Variants in CPXM2 observed in about 807,000 individuals in gnomAD.
CPXM2 encodes the protein inactive carboxypeptidase-like protein X2.
Under a neutral mutation model 86.1 loss-of-function variants are expected in CPXM2, and 66 were observed. The observed-to-expected ratio is 0.77, with a 90% CI of 0.63 to 0.94. CPXM2 has a LOEUF of 0.94. Ranked by LOEUF, CPXM2 falls within the 40% of genes least tolerant of loss-of-function variation. The pLI is 0.00. For synonymous variants in CPXM2, 388 were observed against 400.2 expected, an observed-to-expected ratio of 0.97 and a Z score of 0.36; for missense variants, 948 against 1,026.3, an observed-to-expected ratio of 0.92 and a Z score of 1.04.
chr10:123,922,108 G>A (rs1043562143), intron 2 of CPXM2, among the ~76,000 whole-genome samples: 24 of 152,182 alleles, frequency 1.6e-4, no homozygotes, highest in Non-Finnish European at 1.3e-4. Context: ...GTGCATTGTA[G>A]GATGTTGAGC....
At chr10:123,843,390 T>G (rs2070066892) in intron 3 of CPXM2, 1 of 376,090 alleles carries the variant, frequency 2.7e-6, no homozygotes, top group Admixed American at 3.7e-5. Flanking sequence ...TGAAGCATCC[T>G]CGTTTATTAA....
At chr10:123,765,818 C>T (rs887799537) in intron 10 of CPXM2, among the ~76,000 whole-genome samples, 19 of 152,232 alleles carry the variant, frequency 1.2e-4, no homozygotes, top group African/African-American at 4.3e-4. Flanking sequence ...TCCTCCAGTA[C>T]GTGGCACCCA....
At chr10:123,916,949 C>T (rs1945538355) in intron 2 of CPXM2, among the ~76,000 whole-genome samples, 1 of 151,976 alleles carries the variant, frequency 6.6e-6, no homozygotes, top group African/African-American at 2.4e-5. Flanking sequence ...AGCTCTGATC[C>T]TCATCTTGAT....
chr10:123,860,799 TA>T (rs1453419511), intron 3 of CPXM2, among the ~76,000 whole-genome samples: 1 of 152,176 alleles, frequency 6.6e-6, no homozygotes, highest in Non-Finnish European at 1.5e-5. Context: ...TCATAAAACA[TA>T]AGAGATTGTT....
At chr10:123,892,485 C>T (rs1208506445), upstream of CPXM2, among the ~76,000 whole-genome samples, 1 of 152,214 alleles carries the variant, frequency 6.6e-6, no homozygotes, top group African/African-American at 2.4e-5. Flanking sequence ...CTGCTTTGGA[C>T]AACTCTGCAT....
At chr10:123,932,770 A>T (rs1244540970) in intron 2 of CPXM2, among the ~76,000 whole-genome samples, 1 of 152,184 alleles carries the variant, frequency 6.6e-6, no homozygotes, top group Non-Finnish European at 1.5e-5. Context: ...CAAGTGCAGG[A>T]AGTGTGGGAG....
intron 2 of CPXM2, among the ~76,000 whole-genome samples, chr10:123,905,321 G>A (rs1321534700): frequency 6.6e-6 from 1 of 152,196 alleles, no homozygotes; most frequent in Admixed American, 6.5e-5. Flanking sequence ...TCTGTGCTGG[G>A]ATGGTGTGAC....
chr10:123,787,802 C>T (rs1404684277), intron 6 of CPXM2, among the ~76,000 whole-genome samples: 2 of 152,114 alleles, frequency 1.3e-5, no homozygotes, highest in Non-Finnish European at 2.9e-5. Flanking sequence ...CCTGTGAATG[C>T]TCTATCCAGA....
intron 10 of CPXM2, among the ~76,000 whole-genome samples, chr10:123,763,358 A>C (rs1483254633): frequency 6.6e-6 from 1 of 152,130 alleles, no homozygotes; most frequent in Admixed American, 6.5e-5. Context: ...TGAACCCACC[A>C]TCCAACCACA....
intron 2 of CPXM2, among the ~76,000 whole-genome samples, chr10:123,872,421 A>C (rs1413445743): frequency 6.6e-6 from 1 of 152,216 alleles, no homozygotes; most frequent in Non-Finnish European, 1.5e-5. Flanking sequence ...AAGAAGTCAG[A>C]CACAAAAAAG....
chr10:123,860,033 C>G (rs920919388), intron 3 of CPXM2, among the ~76,000 whole-genome samples: 1 of 152,192 alleles, frequency 6.6e-6, no homozygotes, highest in Non-Finnish European at 1.5e-5. Context: ...CTATTCTGCA[C>G]ACCAGGGGCT....
At chr10:123,854,069 C>T (rs974503851) in intron 3 of CPXM2, among the ~76,000 whole-genome samples, 3 of 151,670 alleles carry the variant, frequency 2.0e-5, no homozygotes, top group African/African-American at 7.3e-5. Flanking sequence ...TGATTCCCAA[C>T]CATGCACCTC....
chr10:123,922,954 A>T (rs1945589284), intron 2 of CPXM2, among the ~76,000 whole-genome samples: 1 of 152,312 alleles, frequency 6.6e-6, no homozygotes, highest in Non-Finnish European at 1.5e-5. Context: ...GAGTGAACAG[A>T]TTACTCACTG....
At chr10:123,864,014 C>A (rs757298161) in intron 2 of CPXM2, among the ~76,000 whole-genome samples, 1 of 152,172 alleles carries the variant, frequency 6.6e-6, no homozygotes, top group Non-Finnish European at 1.5e-5. Flanking sequence ...TTTGGAGAGG[C>A]TTGACTCCAG....
chr10:123,909,264 T>C (rs1196252095), intron 2 of CPXM2, among the ~76,000 whole-genome samples: 2 of 152,214 alleles, frequency 1.3e-5, no homozygotes, highest in Non-Finnish European at 2.9e-5. Flanking sequence ...ACATCCCACC[T>C]GTAACAGGTC....
At chr10:123,937,471 AC>A (rs1351413143) in intron 2 of CPXM2, among the ~76,000 whole-genome samples, 1 of 4,758 alleles carries the variant, frequency 2.1e-4, no homozygotes, top group African/African-American at 2.6e-3. Context: ...CAACAAAACA[AC>A]ACACACACAC....
rs114629367 is a variant in CPXM2 at position 123,813,375 on chromosome 10, T to C, written c.654-14176A>G. On this transcript the variant is annotated intron_variant, in intron 4 of 13. Transcript: ENST00000241305. ...AAAGGATCAGATCACTTGTTTCCTA[T>C]TTCTCCATACCTGGATGCTCTGTTC... Among the ~76,000 whole-genome samples the C allele has an allele frequency of 3.0e-3, 453 of 152,340 alleles. 2 individuals carry two copies. The highest frequency in any genetic ancestry group is 0.011 in the African/African-American group (440 of 41,596).
chr10:123,909,495 G>A (rs929035239), intron 2 of CPXM2, among the ~76,000 whole-genome samples: 12 of 152,170 alleles, frequency 7.9e-5, no homozygotes, highest in Non-Finnish European at 1.2e-4. Context: ...GCGGAAGCCC[G>A]GCCAGGCGCT....
chr10:123,891,958 C>T (rs890916739), upstream of CPXM2: 6 of 152,092 alleles, frequency 3.9e-5, no homozygotes, highest in African/African-American at 1.4e-4. The surrounding 1 kb of genome is among the most constrained non-coding windows in gnomAD (Gnocchi z 5.6). Flanking sequence ...GCAGGTGTTC[C>T]AAGCAGCCAA....
Sources: allele counts gnomAD v4.1 joint callset (sites outside exome capture counted in the v4.1 genomes callset), GRCh38; gene constraint gnomAD v4.1.1; non-coding constraint Gnocchi (gnomAD v3.1); transcripts MANE v1.5; gene names NCBI Gene and HGNC (gene_info 2026-07-23, HGNC 2026-07-21).